Variants in ADAMTS12 observed in about 807,000 individuals in gnomAD.
ADAMTS12 encodes ADAM metallopeptidase with thrombospondin type 1 motif 12.
A neutral mutation model predicts 167.8 loss-of-function variants in ADAMTS12; 118 were observed. The observed-to-expected ratio is 0.70, with a 90% CI of 0.61 to 0.82. ADAMTS12 has a LOEUF of 0.82. ADAMTS12 is among the 40% of genes least tolerant of loss of function. The pLI is 0.00. For synonymous variants in ADAMTS12, 704 were observed against 716.9 expected (o/e 0.98, Z 0.29); for missense variants, 1,916 against 1,998.8 (o/e 0.96, Z 0.79).
intron 22 of ADAMTS12, among the ~76,000 whole-genome samples, chr5:33,541,003 T>C (rs1744670760): frequency 6.6e-6 from 1 of 152,204 alleles, no homozygotes. Context: ...TTGACAGAAG[T>C]AGGCTTCGGA....
At chr5:33,715,562 C>T (rs1034297526) in intron 3 of ADAMTS12, among the ~76,000 whole-genome samples, 1 of 152,022 alleles carries the variant, frequency 6.6e-6, no homozygotes, top group Non-Finnish European at 1.5e-5. Flanking sequence ...AGATGCAATC[C>T]TAGATTCTTT....
At chr5:33,658,444 T>C in intron 6 of ADAMTS12, 111 bp from the exon 7 acceptor site, 1 of 1,284,132 alleles carries the variant, frequency 7.8e-7, no homozygotes, top group Non-Finnish European at 1.1e-6. Context: ...AAAGTATGCT[T>C]GGCATTTTTT....
intron 2 of ADAMTS12, among the ~76,000 whole-genome samples, chr5:33,790,187 T>C (rs1324029285): frequency 6.6e-6 from 1 of 152,252 alleles, no homozygotes; most frequent in East Asian, 1.9e-4. Context: ...GTCTGTTTTC[T>C]TTTAGAGCAG....
At chr5:33,691,470 G>A (rs1742544321) in intron 3 of ADAMTS12, among the ~76,000 whole-genome samples, 1 of 152,194 alleles carries the variant, frequency 6.6e-6, no homozygotes, top group African/African-American at 2.4e-5. Context: ...TCTTATCCAG[G>A]AACCATACAG....
At chr5:33,747,302 C>A (rs990977151) in intron 3 of ADAMTS12, among the ~76,000 whole-genome samples, 2 of 152,026 alleles carry the variant, frequency 1.3e-5, no homozygotes, top group African/African-American at 4.8e-5. Flanking sequence ...AGATTTAGGG[C>A]CCATAGATTA....
chr5:33,833,696 G>A (rs536753947), intron 2 of ADAMTS12, among the ~76,000 whole-genome samples: 172 of 152,208 alleles, frequency 1.1e-3, no homozygotes, highest in African/African-American at 4.0e-3. Context: ...CTCAAAAACC[G>A]TCCAAGCTTT....
intron 22 of ADAMTS12, among the ~76,000 whole-genome samples, chr5:33,540,116 T>C (rs978373208): frequency 7.2e-5 from 11 of 152,254 alleles, no homozygotes; most frequent in African/African-American, 2.7e-4. Flanking sequence ...ATACTGCACT[T>C]TTCCCAAGGT....
intron 3 of ADAMTS12, among the ~76,000 whole-genome samples, chr5:33,724,991 G>T (rs1419030454): frequency 6.6e-6 from 1 of 152,068 alleles, no homozygotes; most frequent in African/African-American, 2.4e-5. Context: ...AAATGGCCCA[G>T]CTCAGGCCCG....
intron 7 of ADAMTS12, 23 bp downstream of exon 7, chr5:33,658,161 C>A (rs200578229): frequency 1.2e-6 from 2 of 1,611,748 alleles, no homozygotes; most frequent in Admixed American, 3.3e-5. Flanking sequence ...GGTGAGCAAA[C>A]CTCCCTATCA....
chr5:33,698,924 A>C (rs1270670456), intron 3 of ADAMTS12, among the ~76,000 whole-genome samples: 3 of 152,226 alleles, frequency 2.0e-5, no homozygotes, highest in Admixed American at 1.3e-4. Flanking sequence ...TGGGAGGCCA[A>C]GGTGGGTGGA....
At chr5:33,714,593 A>G (rs1282756785) in intron 3 of ADAMTS12, among the ~76,000 whole-genome samples, 2 of 152,114 alleles carry the variant, frequency 1.3e-5, no homozygotes, top group Non-Finnish European at 2.9e-5. Flanking sequence ...TGTGGGATAT[A>G]TACATGATGG....
chr5:33,663,701 G>C (rs919457035), intron 5 of ADAMTS12, among the ~76,000 whole-genome samples: 2 of 152,168 alleles, frequency 1.3e-5, no homozygotes, highest in Non-Finnish European at 2.9e-5. Context: ...GTTGCAGTTG[G>C]TCATCAACCT....
chr5:33,530,873 A>G lies in ADAMTS12; in HGVS notation c.4607-3507T>C, dbSNP rs539186283. On this transcript the variant is annotated intron_variant, in intron 23 of 23. Coordinates refer to ENST00000504830, the MANE Select transcript of ADAMTS12 (RefSeq NM_030955.4). ...TGTGGGTTGAACTGTATCCTTTGAA[A>G]TGTACCCCAGAGTGGAAGTCCTCAC... 2.0e-5 allele frequency among the ~76,000 whole-genome samples: 3 copies of G among 152,330 alleles called. No individual in the cohort carries two copies. The East Asian group carries it at 5.8e-4, about 29-fold the overall frequency.
chr5:33,626,539 A>ATGG, intron 13 of ADAMTS12, among the ~76,000 whole-genome samples: 2 of 136,244 alleles, frequency 1.5e-5, no homozygotes, highest in East Asian at 2.3e-4. Context: ...TGGTGATTTA[A>ATGG]TGGTAATGAT....
intron 18 of ADAMTS12, among the ~76,000 whole-genome samples, chr5:33,588,343 G>A (rs1747460838): frequency 1.3e-5 from 2 of 152,156 alleles, no homozygotes; most frequent in South Asian, 4.1e-4. Flanking sequence ...TAGTCTTTGT[G>A]ATCCTGTACT....
At chr5:33,768,134 C>T (rs1745610268) in intron 2 of ADAMTS12, among the ~76,000 whole-genome samples, 1 of 152,206 alleles carries the variant, frequency 6.6e-6, no homozygotes, top group Non-Finnish European at 1.5e-5. Flanking sequence ...GACTGCTGTG[C>T]TGGGCAAGAG....
At chr5:33,528,469 G>C (rs550978267) in intron 23 of ADAMTS12, among the ~76,000 whole-genome samples, 3 of 152,336 alleles carry the variant, frequency 2.0e-5, no homozygotes, top group African/African-American at 7.2e-5. Context: ...TTAAACCCGA[G>C]TGTCGGGGTG....
intron 19 of ADAMTS12, among the ~76,000 whole-genome samples, chr5:33,571,836 T>C (rs1223799540): frequency 1.3e-5 from 2 of 150,986 alleles, no homozygotes; most frequent in Admixed American, 6.6e-5. Context: ...ATCAACAAAA[T>C]TGATAGACCG....
chr5:33,596,145 G>A (rs1737852930), intron 16 of ADAMTS12, 85 bp from the exon 17 acceptor site: 5 of 1,503,658 alleles, frequency 3.3e-6, no homozygotes, highest in African/African-American at 1.4e-5. Context: ...CCACGTCAAC[G>A]ATCATGCTGA....
Sources: allele counts gnomAD v4.1 joint callset (sites outside exome capture counted in the v4.1 genomes callset), GRCh38; gene constraint gnomAD v4.1.1; transcripts MANE v1.5; gene names NCBI Gene and HGNC (gene_info 2026-07-23, HGNC 2026-07-21).